The following WASHC5 variants were observed in gnomAD, a reference collection of about 807,000 sequenced individuals.
WASHC5 encodes WASH complex subunit strumpellin.
Under a neutral mutation model 150.4 loss-of-function variants are expected in WASHC5, and 101 were observed. The observed-to-expected ratio is 0.67, with a 90% CI of 0.57 to 0.79. The LOEUF (loss-of-function observed/expected upper bound fraction) is 0.79, where lower values mean the gene tolerates loss of function less well. Ranked by LOEUF, WASHC5 falls within the 30% of genes least tolerant of loss-of-function variation. WASHC5 has a pLI of 0.00. For synonymous variants in WASHC5, 467 were observed against 491.2 expected (o/e 0.95, Z 0.65); for missense variants, 1,195 against 1,396.3 (o/e 0.86, Z 2.30).
chr8:125,069,857 T>A (rs1272684011), intron 9 of WASHC5, among the ~76,000 whole-genome samples: 1 of 152,232 alleles, frequency 6.6e-6, no homozygotes, highest in African/African-American at 2.4e-5. Flanking sequence ...CAGTTGTCTT[T>A]ATACTAATTT....
chr8:125,068,223 T>A (rs941165273), intron 9 of WASHC5, among the ~76,000 whole-genome samples: 1 of 152,206 alleles, frequency 6.6e-6, no homozygotes, highest in Admixed American at 6.5e-5. Flanking sequence ...GCCATCATTT[T>A]GAGAACTCAC....
At chr8:125,047,356 T>C (rs1276349639) in intron 19 of WASHC5, 25 bp from the exon 20 acceptor site, 4 of 1,609,154 alleles carry the variant, frequency 2.5e-6, no homozygotes, top group Non-Finnish European at 3.4e-6. Flanking sequence ...CATCAATATT[T>C]AGTAAACCTT....
Position 125,056,748 on chromosome 8 carries a change from T to C in WASHC5, c.1945A>G (p.Ile649Val), listed in dbSNP as rs774897141. The change falls in exon 16 of 29, where the codon ATT becomes GTT. Residue 649 changes from isoleucine (I) to valine (V), a missense_variant. Physicochemically the swap from Ile to Val is conservative, Grantham distance 29 (BLOSUM62 3). Around this residue, in one of 3 missense-constraint regions of WASHC5, gnomAD observed 997 missense variants for 1,168.1 expected, o/e 0.85. Transcript: ENST00000318410. ...TCCAGGCGGGTAGGCACTTCAATAA[T>C]GTCGTGGGTCTGAAGCTTTATGATC... ...LKIIKLQTHD[I>V]IEVPTRLDKD... 1.7e-4 allele frequency: 269 copies of C among 1,614,000 alleles called. No homozygotes were observed. Among genetic ancestry groups the C allele is most frequent in the Non-Finnish European group, 1.1e-4 (129 of 1,180,016 alleles).
intron 5 of WASHC5, among the ~76,000 whole-genome samples, 164 bp from the exon 6 acceptor site, chr8:125,079,094 GTA>G (rs1178176449): frequency 2.7e-4 from 28 of 103,998 alleles, no homozygotes; most frequent in Middle Eastern, 0.01. Context: ...AAAATTATGT[GTA>G]TATATATGTG....
chr8:125,026,512 T>C (rs548242830), intron 28 of WASHC5, among the ~76,000 whole-genome samples: 99 of 152,314 alleles, frequency 6.5e-4, no homozygotes, highest in African/African-American at 2.2e-3. Context: ...CTGATACATA[T>C]TTGCCTAAAA....
At chr8:125,081,607 A>G (rs968570873) in intron 5 of WASHC5, 54 bp downstream of exon 5, 27 of 951,764 alleles carry the variant, frequency 2.8e-5, no homozygotes, top group Non-Finnish European at 4.1e-5. Context: ...GGGGACATAC[A>G]CTGCATTTTA....
rs2303527 is a variant in WASHC5, at chr8:125,055,861, T to C, written c.2017-190A>G. On this transcript the variant is annotated intron_variant, in intron 16 of 28. Transcript: ENST00000318410. ...GTAACAGAGTCAGAAGACAACAGTTTATTCTTTCATGTTTGACAAAGCATT... is the reference window on the plus strand; with the variant it reads ...GTAACAGAGTCAGAAGACAACAGTTCATTCTTTCATGTTTGACAAAGCATT... Among the ~76,000 whole-genome samples, 16,596 of 152,178 alleles carry C rather than the reference T, an allele frequency of 0.11. 2,119 individuals are homozygous for C. The highest frequency in any genetic ancestry group is 0.31 in the African/African-American group (12,676 of 41,446).
At chr8:125,055,553 T>G (rs367694231) in intron 17 of WASHC5, 38 bp downstream of exon 17, 8 of 1,196,218 alleles carry the variant, frequency 6.7e-6, no homozygotes, top group Non-Finnish European at 1.0e-5. Context: ...CAGCTAAGAG[T>G]CATGGTGCGA....
At position 125,079,738 on chromosome 8, in the gene WASHC5, A is replaced by G. The variant is rs548114021; in HGVS notation, c.519-808T>C. Among the ~76,000 whole-genome samples the G allele has an allele frequency of 2.0e-5, 3 of 152,334 alleles. No homozygotes were observed. The South Asian group carries it at 6.2e-4, about 32-fold the overall frequency. On this transcript the variant is annotated intron_variant, in intron 5 of 28. Coordinates refer to ENST00000318410, the MANE Select transcript of WASHC5 (RefSeq NM_014846.4). ...ATTTATAAATATTTACAAAAGTGAG[A>G]TAAGTGAAGACTATATATAGCCTCA...
intron 12 of WASHC5, among the ~76,000 whole-genome samples, chr8:125,060,327 A>C (rs1816556451): frequency 6.6e-6 from 1 of 152,072 alleles, no homozygotes; most frequent in Non-Finnish European, 1.5e-5. Context: ...TCTCTACTAA[A>C]AATACAAAAT....
At position 125,078,829 on chromosome 8, in the gene WASHC5, T is replaced by C. The variant is rs1030337804; in HGVS notation, c.620A>G (p.Tyr207Cys). 1 of 1,613,834 alleles carries C rather than the reference T, an allele frequency of 6.2e-7. No individual in the cohort carries two copies. Among genetic ancestry groups the C allele is most frequent in the South Asian group, 1.1e-5 (1 of 91,082 alleles). The part of the protein sequence containing the change: ...SQPGAKRPSN[Y>C]PESYFQRVPI... Reference sequence around the variant, plus strand: ...CACTCTCTGGAAATAGCTCTCGGGATAGTTGGATGGTCTTTTGGCACCTGG... The same window carrying C: ...CACTCTCTGGAAATAGCTCTCGGGACAGTTGGATGGTCTTTTGGCACCTGG... The change falls in exon 6 of 29, where the codon TAT becomes TGT. Residue 207 changes from tyrosine to cysteine, a missense_variant. Tyr to Cys is a radical substitution (Grantham distance 194). Coordinates refer to ENST00000318410, the MANE Select transcript of WASHC5 (RefSeq NM_014846.4).
chr8:125,079,135 T>TATATAC (rs1554597078), intron 5 of WASHC5, among the ~76,000 whole-genome samples: 44 of 117,456 alleles, frequency 3.7e-4, no homozygotes, highest in South Asian at 1.2e-3. Context: ...TATATATATA[T>TATATAC]ATATACATTT....
intron 14 of WASHC5, 54 bp downstream of exon 14, chr8:125,059,168 G>T: frequency 7.8e-7 from 1 of 1,287,974 alleles, no homozygotes; most frequent in Non-Finnish European, 1.1e-6. Flanking sequence ...AATGAGGTAT[G>T]AATGAAGGCC....
intron 27 of WASHC5, among the ~76,000 whole-genome samples, chr8:125,031,725 C>T (rs746040459): frequency 2.0e-5 from 3 of 152,144 alleles, no homozygotes; most frequent in Non-Finnish European, 4.4e-5. Flanking sequence ...AGAAAAGCCA[C>T]ATTTAGGGGC....
At chr8:125,060,533 A>G (rs1040412599) in intron 12 of WASHC5, among the ~76,000 whole-genome samples, 5 of 151,954 alleles carry the variant, frequency 3.3e-5, no homozygotes, top group African/African-American at 7.3e-5. Flanking sequence ...GCTTTTAGTT[A>G]TCATTTTAAA....
rs151263860 is a variant in WASHC5, at chr8:125,046,911, G to A, written c.2504+296C>T. 1.8e-3 allele frequency among the ~76,000 whole-genome samples: 268 copies of A among 152,204 alleles called. 1 individual carries two copies. The highest frequency in any genetic ancestry group is 5.9e-3 in the African/African-American group (243 of 41,506). ...CTAGTACTTTGGGAGAATCTAGCACGCTCCTATGAGAATCTAGCACTTTGG... is the reference window on the plus strand; with the variant it reads ...CTAGTACTTTGGGAGAATCTAGCACACTCCTATGAGAATCTAGCACTTTGG... On this transcript the variant is annotated intron_variant, in intron 20 of 28. Coordinates refer to ENST00000318410, the MANE Select transcript of WASHC5 (RefSeq NM_014846.4).
intron 17 of WASHC5, among the ~76,000 whole-genome samples, chr8:125,051,939 T>C (rs186615420): frequency 1.3e-5 from 2 of 152,228 alleles, no homozygotes; most frequent in African/African-American, 2.4e-5. Context: ...ATCTAAGCTA[T>C]AGTCTGGAAA....
Position 125,050,700 on chromosome 8 carries a change from C to T in WASHC5, c.2098-35G>A, listed in dbSNP as rs185872117. On this transcript the variant is annotated intron_variant, in intron 17 of 28. Coordinates refer to ENST00000318410, the MANE Select transcript of WASHC5 (RefSeq NM_014846.4). Reference sequence around the variant, plus strand: ...AATCAAAAGTATTAAATGATAGTTACGAAAAATTCAGTCCTAACGAAATCC... The same window carrying T: ...AATCAAAAGTATTAAATGATAGTTATGAAAAATTCAGTCCTAACGAAATCC... 254 of 1,549,970 alleles carry T rather than the reference C, an allele frequency of 1.6e-4. No homozygotes were observed. The African/African-American group carries it at 2.8e-3, about 17-fold the overall frequency.
chr8:125,033,066 G>C (rs1211255224), intron 26 of WASHC5, among the ~76,000 whole-genome samples: 1 of 152,078 alleles, frequency 6.6e-6, no homozygotes, highest in Non-Finnish European at 1.5e-5. Context: ...ACTGCACCTG[G>C]CTCTACACTA....
Sources: gnomAD v4.1 joint callset for allele counts (sites outside exome capture counted in the v4.1 genomes callset) on GRCh38, gnomAD v4.1.1 for gene constraint, gnomAD v4.1.1 regional missense constraint, MANE v1.5 for transcripts, NCBI Gene and HGNC (gene_info 2026-07-23, HGNC 2026-07-21) for gene names.